CWH43: variants seen among roughly 807,000 people sequenced by gnomAD.
CWH43 encodes PGAP2-interacting protein.
Under a neutral mutation model 85.7 loss-of-function variants are expected in CWH43, and 91 were observed. The ratio of observed to expected loss-of-function variants is 1.06; its 90% CI spans 0.90 to 1.26. The LOEUF is 1.26. CWH43 is among the 50% of genes most tolerant of loss of function. CWH43 has a pLI of 0.00. For missense variants in CWH43, 869 were observed against 839.2 expected (o/e 1.04, Z -0.44); for synonymous variants, 323 against 293.6 (o/e 1.10, Z -1.02).
In CWH43 at chr4:49,050,733, T is replaced by C; in HGVS notation, c.1905T>C (p.Asp635=). 5.0e-6 allele frequency: 8 copies of C among 1,613,234 alleles called. No homozygotes were observed. Among genetic ancestry groups the C allele is most frequent in the East Asian group, 2.2e-5 (1 of 44,824 alleles). The change falls in exon 15 of 16, where the codon GAT becomes GAC. Residue 635 remains aspartate (D), a synonymous_variant. Coordinates refer to ENST00000226432, the MANE Select transcript of CWH43 (RefSeq NM_025087.3). The part of the protein sequence containing the change: ...YARISHAELS[D]SEIQMAKFRI... ...GAATCTCCCATGCTGAACTGAGTGA[T>C]TCAGAAATTCAGATGGCAAAATTTA...
intron 8 of CWH43, among the ~76,000 whole-genome samples, chr4:49,013,532 G>T (rs1331971611): frequency 1.3e-5 from 2 of 152,326 alleles, no homozygotes; most frequent in Non-Finnish European, 2.9e-5. Flanking sequence ...AGATGAACCA[G>T]GTACCTCAGT....
At chr4:49,041,338 G>A (rs564918760) in intron 13 of CWH43, among the ~76,000 whole-genome samples, 31 of 152,258 alleles carry the variant, frequency 2.0e-4, no homozygotes, top group Admixed American at 1.3e-3. Context: ...CTTGGGCAGT[G>A]TGGCCATTTT....
chr4:49,038,761 T>C (rs1425850364), intron 13 of CWH43, among the ~76,000 whole-genome samples: 2 of 152,148 alleles, frequency 1.3e-5, no homozygotes, highest in Non-Finnish European at 1.5e-5. Flanking sequence ...TGCCACATTA[T>C]GAAAGTTAAT....
Position 48,998,486 on chromosome 4 carries a change from G to A in CWH43, c.740G>A (p.Ser247Asn). ...FGGAVLLCLA[S>N]GLMLPSCLWF... The stretch of plus-strand genomic sequence containing the variant: ...GGTGCAGTACTGCTGTGCTTGGCAA[G>A]TGGATTGATGCTTCCATCTTGTTTG... Residue 247 changes from serine (S) to asparagine (N), a missense_variant, in exon 6 of 16, where the codon AGT (serine) becomes AAT (asparagine). By Grantham distance (46) the Ser-to-Asn change is conservative. This residue lies in a region of CWH43 where 152 missense variants were observed against 203.6 expected (regional missense o/e 0.75). Coordinates refer to ENST00000226432, the MANE Select transcript of CWH43 (RefSeq NM_025087.3). The A allele has an allele frequency of 6.2e-7, 1 of 1,613,936 alleles. No homozygotes were observed. Among genetic ancestry groups the A allele is most frequent in the Non-Finnish European group, 8.5e-7 (1 of 1,179,842 alleles).
At position 49,061,945 on chromosome 4, in the gene CWH43, A is replaced by T. The variant is rs1328045581; in HGVS notation, c.*55A>T. 3 of 1,229,698 alleles carry T rather than the reference A, an allele frequency of 2.4e-6. No homozygotes were observed. Among genetic ancestry groups the T allele is most frequent in the Non-Finnish European group, 3.2e-6 (3 of 932,212 alleles). The allele number at this position is 1,229,698 out of a possible 1,614,324, so 76.2% of individuals were successfully genotyped here. ...GAAAATCTAAGAAAAAAAGTATGTA[A>T]GATAAAAAGAAGAGATTAATGAAAG... On this transcript the variant is annotated 3_prime_UTR_variant, in exon 16 of 16. Coordinates refer to ENST00000226432, the MANE Select transcript of CWH43 (RefSeq NM_025087.3).
At chr4:49,048,425 ATATT>A (rs199604127) in intron 14 of CWH43, among the ~76,000 whole-genome samples, 3,251 of 151,730 alleles carry the variant, frequency 0.021, 58 homozygotes, top group African/African-American at 0.056. Flanking sequence ...TATCATATAT[ATATT>A]TATTTATGTA....
chr4:49,003,423 T>G (rs1039361576), intron 6 of CWH43, among the ~76,000 whole-genome samples: 2 of 152,188 alleles, frequency 1.3e-5, no homozygotes, highest in Admixed American at 6.5e-5. Context: ...ATTGCAGAAA[T>G]TTTAGTTTTT....
Position 49,048,957 on chromosome 4 carries a change from A to G in CWH43, c.1866-1737A>G, listed in dbSNP as rs577089270. On this transcript the variant is annotated intron_variant, in intron 14 of 15. Transcript: ENST00000226432. Reference sequence around the variant, plus strand: ...CAATGCCCTACATGTAGTAGGTATTAGGTGCTTAATAAATACTTATTGGAC... The same window carrying G: ...CAATGCCCTACATGTAGTAGGTATTGGGTGCTTAATAAATACTTATTGGAC... 3.9e-5 allele frequency among the ~76,000 whole-genome samples: 6 copies of G among 152,322 alleles called. No homozygotes were observed. In the South Asian group the frequency reaches 1.2e-3, roughly 32 times the overall value.
At chr4:49,039,920 A>G (rs1784404413) in intron 13 of CWH43, among the ~76,000 whole-genome samples, 1 of 150,976 alleles carries the variant, frequency 6.6e-6, no homozygotes, top group Non-Finnish European at 1.5e-5. Flanking sequence ...AACAGTCTCC[A>G]GAGTGTGATG....
At chr4:49,034,308 T>G (rs750121911) in intron 12 of CWH43, among the ~76,000 whole-genome samples, 5 of 152,216 alleles carry the variant, frequency 3.3e-5, no homozygotes, top group Non-Finnish European at 7.3e-5. Flanking sequence ...TACTTTCATG[T>G]TTAAAGGTTG....
intron 12 of CWH43, among the ~76,000 whole-genome samples, chr4:49,033,538 CGT>C (rs1479437939): frequency 3.3e-5 from 5 of 152,148 alleles, no homozygotes; most frequent in South Asian, 2.1e-4. Flanking sequence ...GAGACAAGCA[CGT>C]GAAGTTAATT....
At chr4:49,044,940 T>A in intron 14 of CWH43, 93 bp downstream of exon 14, 1 of 935,528 alleles carries the variant, frequency 1.1e-6, no homozygotes, top group South Asian at 1.5e-5. Flanking sequence ...TGGAAGCAAT[T>A]AATTTTTGTT....
chr4:49,010,347 C>T (rs1409947201), intron 8 of CWH43, among the ~76,000 whole-genome samples: 1 of 152,060 alleles, frequency 6.6e-6, no homozygotes, highest in Non-Finnish European at 1.5e-5. Context: ...TTTATCATGT[C>T]TATTTGATTC....
intron 1 of CWH43, among the ~76,000 whole-genome samples, chr4:48,988,221 C>G (rs772678907): frequency 6.6e-6 from 1 of 152,274 alleles, no homozygotes; most frequent in South Asian, 2.1e-4. Flanking sequence ...TGACATTTCA[C>G]GAGGAAATTG....
At chr4:49,039,894 C>T (rs1036546872) in intron 13 of CWH43, among the ~76,000 whole-genome samples, 3 of 152,104 alleles carry the variant, frequency 2.0e-5, no homozygotes, top group East Asian at 1.9e-4. Flanking sequence ...ATCCCTCCCC[C>T]GTCCCCACAC....
chr4:48,999,199 G>A (rs1029158626), intron 6 of CWH43, among the ~76,000 whole-genome samples: 2 of 152,106 alleles, frequency 1.3e-5, no homozygotes, highest in African/African-American at 4.8e-5. Context: ...TCCTGCATTA[G>A]TTTGCTAAGG....
intron 13 of CWH43, among the ~76,000 whole-genome samples, chr4:49,041,683 A>G (rs1321466929): frequency 6.6e-6 from 1 of 152,182 alleles, no homozygotes. Flanking sequence ...CAGCACTGGA[A>G]TGGCACTGTG....
intron 5 of CWH43, 126 bp from the exon 6 acceptor site, chr4:48,998,334 C>T: frequency 1.5e-6 from 1 of 685,492 alleles, no homozygotes; most frequent in Non-Finnish European, 2.6e-6. Flanking sequence ...CTCATGATCT[C>T]ACTGGTTGTT....
At chr4:49,016,873 G>T in intron 8 of CWH43, 1 of 784,300 alleles carries the variant, frequency 1.3e-6, no homozygotes, top group Admixed American at 1.7e-5. Flanking sequence ...CTCTCCGAGT[G>T]CCCCAGGACT....
Sources: gnomAD v4.1 joint callset for allele counts (sites outside exome capture counted in the v4.1 genomes callset) on GRCh38, gnomAD v4.1.1 for gene constraint, gnomAD v4.1.1 regional missense constraint, MANE v1.5 for transcripts, NCBI Gene and HGNC (gene_info 2026-07-23, HGNC 2026-07-21) for gene names.